MACROD2: variants seen among roughly 807,000 people sequenced by gnomAD.
MACROD2 encodes the protein ADP-ribose glycohydrolase MACROD2.
In MACROD2, 36 loss-of-function variants were observed where a neutral mutation model predicts 70.4. That is an observed-to-expected ratio of 0.51 (90% CI 0.39 to 0.68). MACROD2 has a LOEUF of 0.68. Among genes scored for constraint, MACROD2 ranks in the 30% least tolerant of loss-of-function variants. The probability of loss-of-function intolerance (pLI) is 0.00; values close to 1 mark genes in which losing one functional copy is unlikely to be tolerated. For synonymous variants in MACROD2, 172 were observed against 178.8 expected, an observed-to-expected ratio of 0.96 and a Z score of 0.30; for missense variants, 496 against 538.4, an observed-to-expected ratio of 0.92 and a Z score of 0.78.
chr20:14,664,040 C>CTTTA (rs2070708755), intron 4 of MACROD2, among the ~76,000 whole-genome samples: 1 of 152,088 alleles, frequency 6.6e-6, no homozygotes, highest in Non-Finnish European at 1.5e-5. Flanking sequence ...CACTTTATCG[C>CTTTA]ATACAGTATT....
At chr20:15,320,025 A>G (rs924892478) in intron 6 of MACROD2, among the ~76,000 whole-genome samples, 1 of 152,188 alleles carries the variant, frequency 6.6e-6, no homozygotes, top group Non-Finnish European at 1.5e-5. Flanking sequence ...CCTGGCCAAC[A>G]TGGTGAAACC....
At chr20:15,814,182 G>A (rs1374231725) in intron 8 of MACROD2, among the ~76,000 whole-genome samples, 3 of 152,108 alleles carry the variant, frequency 2.0e-5, no homozygotes, top group East Asian at 3.8e-4. Flanking sequence ...GTTCACATTG[G>A]ACCTTAACAC....
chr20:15,951,306 GACACACACACAC>G (rs58032991), intron 12 of MACROD2, among the ~76,000 whole-genome samples: 3,397 of 135,588 alleles, frequency 0.025, 121 homozygotes, highest in African/African-American at 0.08. Context: ...TATTTATCTA[GACACACACACAC>G]ACACACACAC....
chr20:14,473,289 C>T (rs767104019), intron 3 of MACROD2, among the ~76,000 whole-genome samples: 5 of 152,308 alleles, frequency 3.3e-5, no homozygotes, highest in Middle Eastern at 3.4e-3. Context: ...TGACCACCCT[C>T]TCCACATCCA....
chr20:15,817,690 C>T (rs1186733457), intron 8 of MACROD2, among the ~76,000 whole-genome samples: 3 of 152,162 alleles, frequency 2.0e-5, no homozygotes, highest in African/African-American at 7.2e-5. Flanking sequence ...CCATATCTCT[C>T]CTGGATCACC....
intron 4 of MACROD2, among the ~76,000 whole-genome samples, chr20:14,673,920 CAAA>C (rs1175764543): frequency 1.8e-4 from 9 of 50,984 alleles, no homozygotes; most frequent in African/African-American, 1.8e-4. Context: ...AACTCCATCT[CAAA>C]AAAAAAAAAA....
At chr20:14,693,914 G>A (rs983541951) in intron 5 of MACROD2, among the ~76,000 whole-genome samples, 1 of 152,090 alleles carries the variant, frequency 6.6e-6, no homozygotes, top group African/African-American at 2.4e-5. Flanking sequence ...ATTATTATTT[G>A]TAAAATACAT....
intron 8 of MACROD2, among the ~76,000 whole-genome samples, chr20:15,736,968 TA>T (rs1349188404): frequency 3.5e-4 from 53 of 152,078 alleles, no homozygotes; most frequent in Non-Finnish European, 1.5e-5. Context: ...GCAGAGTGAA[TA>T]AAAAAAGTAA....
chr20:14,383,307 GTTT>G (rs3043692), intron 3 of MACROD2, among the ~76,000 whole-genome samples: 1 of 149,648 alleles, frequency 6.7e-6, no homozygotes, highest in Non-Finnish European at 1.5e-5. Flanking sequence ...ACCGTTTTTT[GTTT>G]TTTTTTTTGC....
intron 4 of MACROD2, among the ~76,000 whole-genome samples, chr20:14,668,962 G>A (rs965638842): frequency 6.6e-6 from 1 of 152,022 alleles, no homozygotes; most frequent in Admixed American, 6.6e-5. Flanking sequence ...TTAGGTCTTT[G>A]CTAAAACTTA....
chr20:15,952,229 A>T (rs1005709224), intron 12 of MACROD2, among the ~76,000 whole-genome samples: 41 of 152,244 alleles, frequency 2.7e-4, no homozygotes, highest in East Asian at 1.9e-4. Context: ...GGTCTTGAGT[A>T]TGTCTTTATC....
chr20:14,510,305 G>A (rs1233055178), intron 4 of MACROD2, among the ~76,000 whole-genome samples: 2 of 149,744 alleles, frequency 1.3e-5, no homozygotes, highest in Non-Finnish European at 3.0e-5. Flanking sequence ...TGAGTTTTCA[G>A]AATATGTTGT....
At chr20:14,669,183 G>T (rs2123556057) in intron 4 of MACROD2, among the ~76,000 whole-genome samples, 1 of 152,226 alleles carries the variant, frequency 6.6e-6, no homozygotes, top group Middle Eastern at 3.4e-3. Context: ...TGTGTAGTTT[G>T]GAGAAACGGG....
chr20:14,003,558 T>A lies in MACROD2; in HGVS notation c.163+1154T>A, dbSNP rs985456563. Reference sequence around the variant, plus strand: ...TAAGAATGGTCTGATTCCAAACTGATAAGATTGGCCTTAAGAAGCCCCTGC... The same window carrying A: ...TAAGAATGGTCTGATTCCAAACTGAAAAGATTGGCCTTAAGAAGCCCCTGC... On this transcript the variant is annotated intron_variant, in intron 2 of 17. Coordinates refer to ENST00000684519, the MANE Select transcript of MACROD2 (RefSeq NM_001351661.2). The A allele has an allele frequency of 1.3e-4, 49 of 363,198 alleles. 1 individual carries two copies. Among genetic ancestry groups the A allele is most frequent in the African/African-American group, 1.0e-3 (48 of 46,806 alleles). 22.5% of individuals were successfully genotyped at this position (363,198 alleles called of 1,614,324 possible). A position where few individuals can be genotyped will look rare whatever the true frequency, so the allele number is the denominator to read the frequency against.
chr20:15,325,185 T>C (rs1353048420), intron 6 of MACROD2, among the ~76,000 whole-genome samples: 1 of 152,174 alleles, frequency 6.6e-6, no homozygotes, highest in Non-Finnish European at 1.5e-5. Flanking sequence ...TTGTTGTCAA[T>C]AGCTCTGGAT....
At chr20:15,052,311 G>C (rs1206173165) in intron 5 of MACROD2, among the ~76,000 whole-genome samples, 1 of 152,100 alleles carries the variant, frequency 6.6e-6, no homozygotes, top group Non-Finnish European at 1.5e-5. Context: ...GTTTTATTGT[G>C]TTTTGCTTTA....
intron 5 of MACROD2, among the ~76,000 whole-genome samples, chr20:15,171,961 A>G (rs946459665): frequency 2.6e-5 from 4 of 152,242 alleles, no homozygotes; most frequent in Non-Finnish European, 4.4e-5. Context: ...TGAATAAATA[A>G]ATGAGTGAAT....
At chr20:14,354,527 G>A (rs1172420518) in intron 3 of MACROD2, among the ~76,000 whole-genome samples, 1 of 152,064 alleles carries the variant, frequency 6.6e-6, no homozygotes, top group Non-Finnish European at 1.5e-5. Flanking sequence ...CTTTCAAAGT[G>A]TCTGCAAGAC....
intron 3 of MACROD2, among the ~76,000 whole-genome samples, chr20:14,475,118 G>GT (rs1385289965): frequency 2.7e-5 from 4 of 150,752 alleles, no homozygotes; most frequent in Non-Finnish European, 4.4e-5. Flanking sequence ...TTTGTATTTT[G>GT]TTTTTTATAG....
Sources: gnomAD v4.1 joint callset for allele counts (sites outside exome capture counted in the v4.1 genomes callset) on GRCh38, gnomAD v4.1.1 for gene constraint, MANE v1.5 for transcripts, NCBI Gene and HGNC (gene_info 2026-07-23, HGNC 2026-07-21) for gene names.